The following SLC20A2 variants were observed in gnomAD, a reference collection of about 807,000 sequenced individuals.
SLC20A2 encodes sodium-dependent phosphate transporter 2.
SLC20A2 carries 30 observed loss-of-function variants against 61.0 expected under a neutral mutation model. The ratio of observed to expected loss-of-function variants is 0.49; its 90% CI spans 0.37 to 0.67. The LOEUF is 0.67. SLC20A2 is among the 30% of genes least tolerant of loss of function. The pLI is 0.00. For missense variants in SLC20A2, 626 were observed against 866.4 expected (o/e 0.72, Z 3.48); for synonymous variants, 351 against 353.3 (o/e 0.99, Z 0.07).
chr8:42,504,844 C>T (rs1306887226), upstream of SLC20A2, among the ~76,000 whole-genome samples: 1 of 62,278 alleles, frequency 1.6e-5, no homozygotes, highest in Admixed American at 2.2e-4. Context: ...CAAAGCAAGA[C>T]TCCGTCTCAA....
chr8:42,477,718 G>T (rs544996860), intron 1 of SLC20A2, among the ~76,000 whole-genome samples: 4 of 151,686 alleles, frequency 2.6e-5, no homozygotes, highest in Non-Finnish European at 5.9e-5. Context: ...TGAACTGCCC[G>T]CCTTGGCCTC....
chr8:42,419,372 C>G (rs1365986196), intron 10 of SLC20A2, among the ~76,000 whole-genome samples: 1 of 151,812 alleles, frequency 6.6e-6, no homozygotes, highest in African/African-American at 2.4e-5. Flanking sequence ...GAGTTCGAGA[C>G]CAGCCTGACC....
intron 1 of SLC20A2, chr8:42,541,547 C>G (rs1324228878): frequency 2.0e-5 from 3 of 148,242 alleles, no homozygotes; most frequent in South Asian, 4.2e-4. Flanking sequence ...CCTGGCTCCT[C>G]GTTTCATCCG....
At chr8:42,453,941 C>T (rs1805934556) in intron 5 of SLC20A2, among the ~76,000 whole-genome samples, 1 of 152,166 alleles carries the variant, frequency 6.6e-6, no homozygotes, top group Non-Finnish European at 1.5e-5. Flanking sequence ...CTTCTCCGTC[C>T]ATGGTTCAGC....
chr8:42,461,439 T>C (rs1307241507), intron 4 of SLC20A2, among the ~76,000 whole-genome samples: 1 of 151,750 alleles, frequency 6.6e-6, no homozygotes, highest in Non-Finnish European at 1.5e-5. Flanking sequence ...AATTACCGTA[T>C]GTTTTTTCAA....
intron 1 of SLC20A2, chr8:42,541,453 C>T (rs1813148300): frequency 6.9e-6 from 1 of 145,930 alleles, no homozygotes; most frequent in Non-Finnish European, 1.5e-5. Context: ...TCCACTCACG[C>T]GCCCGGGGGC....
Position 42,430,201 on chromosome 8 carries a change from G to T in SLC20A2, c.1572C>A (p.Gly524=). Residue 524 remains glycine, a synonymous_variant, in exon 9 of 11, where the codon GGC becomes GGA. Coordinates refer to ENST00000520262, the MANE Select transcript of SLC20A2 (RefSeq NM_001257180.2). ...GTGTAGCTGCTTCTTGCGTTACCCC[G>T]CCTTGTTTGTAAATCAGCCACAAGG... ...LVALWLIYKQ[G]GVTQEAATPV... is the part of the protein sequence containing the mutation. The T allele has an allele frequency of 6.2e-7, 1 of 1,613,754 alleles. No individual in the cohort carries two copies.
chr8:42,501,419 G>A (rs1231696722), upstream of SLC20A2: 1 of 152,230 alleles, frequency 6.6e-6, no homozygotes, highest in African/African-American at 2.4e-5. Context: ...AAGAGAAGGA[G>A]TAAGCTTTTT....
At chr8:42,468,705 C>T (rs536019378) in intron 2 of SLC20A2, among the ~76,000 whole-genome samples, 4 of 149,304 alleles carry the variant, frequency 2.7e-5, no homozygotes, top group Admixed American at 1.3e-4. Context: ...ATGAAAGAAA[C>T]GGCAGAGCAA....
Position 42,439,532 on chromosome 8 carries a change from G to A in SLC20A2, c.852C>T (p.Thr284=). 6.2e-7 allele frequency: 1 copy of A among 1,614,178 alleles called. No individual in the cohort carries two copies. Among genetic ancestry groups the A allele is most frequent in the Non-Finnish European group, 8.5e-7 (1 of 1,180,034 alleles). ...CCCCTGCTGCTCCCGTGAGCGGGATGGTGCTGTCATCATTAGCCTTGGCAC... is the reference window on the plus strand; with the variant it reads ...CCCCTGCTGCTCCCGTGAGCGGGATAGTGCTGTCATCATTAGCCTTGGCAC... ...LPGAKANDDS[T]IPLTGAAGET... is the part of the protein sequence containing the mutation. Residue 284 remains threonine (T), a synonymous_variant, in exon 7 of 11, where the codon ACC becomes ACT. Coordinates refer to ENST00000520262, the MANE Select transcript of SLC20A2 (RefSeq NM_001257180.2).
At chr8:42,436,750 G>A (rs756641488) in intron 8 of SLC20A2, among the ~76,000 whole-genome samples, 1 of 152,206 alleles carries the variant, frequency 6.6e-6, no homozygotes, top group Non-Finnish European at 1.5e-5. Flanking sequence ...TGGAAGCCCA[G>A]GTCGCACTGC....
At chr8:42,464,090 A>ATTTTTTTTTTTTTTTTTTTTTTTTTT (rs1563488008) in intron 3 of SLC20A2, among the ~76,000 whole-genome samples, 1 of 19,996 alleles carries the variant, frequency 5.0e-5, no homozygotes, top group Non-Finnish European at 1.3e-4. Flanking sequence ...AGGCTGGATG[A>ATTTTTTTTTTTTTTTTTTTTTTTTTT]TCTTTTTTTT....
At chr8:42,465,957 C>CA in intron 2 of SLC20A2, 40 bp from the exon 3 acceptor site, 1 of 1,549,958 alleles carries the variant, frequency 6.5e-7, no homozygotes, top group Non-Finnish European at 8.7e-7. Flanking sequence ...ATACAGAGTA[C>CA]AGAGGTGCAG....
chr8:42,452,037 AAG>A (rs557977073), intron 5 of SLC20A2, among the ~76,000 whole-genome samples: 1 of 96,556 alleles, frequency 1.0e-5, no homozygotes, highest in Non-Finnish European at 1.8e-5. Flanking sequence ...GAAGAGGAGG[AAG>A]AGAGGGGGAG....
intron 3 of SLC20A2, among the ~76,000 whole-genome samples, chr8:42,464,275 TTTTC>T (rs1007332827): frequency 1.4e-5 from 2 of 145,820 alleles, no homozygotes; most frequent in African/African-American, 5.3e-5. Context: ...ACCAGGCTAA[TTTTC>T]TTTCTTTTTT....
At chr8:42,441,301 C>T (rs1245037482) in intron 6 of SLC20A2, among the ~76,000 whole-genome samples, 1 of 148,816 alleles carries the variant, frequency 6.7e-6, no homozygotes, top group Non-Finnish European at 1.5e-5. Flanking sequence ...ATTAGAGGCA[C>T]CCACCACCAT....
At chr8:42,451,578 A>C in intron 5 of SLC20A2, among the ~76,000 whole-genome samples, 1 of 135,098 alleles carries the variant, frequency 7.4e-6, no homozygotes, top group South Asian at 2.8e-4. Context: ...AGAGATGAAG[A>C]GGAAGAGGAA....
rs1369660800 is a variant in SLC20A2 at position 42,459,954 on chromosome 8, T to C, written c.555A>G (p.Val185=). ...TGATTGCTATGGTAGCAGCATAGAATACTGGGAGTGCCCGGAGGCCATTGG... is the reference window on the plus strand; with the variant it reads ...TGATTGCTATGGTAGCAGCATAGAACACTGGGAGTGCCCGGAGGCCATTGG... The part of the protein sequence containing the change: ...PVPNGLRALP[V]FYAATIAINV... Residue 185 remains valine, a synonymous_variant, in exon 5 of 11, where the codon GTA becomes GTG. Transcript: ENST00000520262. 3.7e-6 allele frequency: 6 copies of C among 1,613,202 alleles called. No homozygotes were observed. Among genetic ancestry groups the C allele is most frequent in the Non-Finnish European group, 3.4e-6 (4 of 1,179,586 alleles).
rs533614497 is a variant in SLC20A2 at position 42,517,317 on chromosome 8, G to A, written c.-265+24504C>T. 1.2e-3 allele frequency among the ~76,000 whole-genome samples: 179 copies of A among 150,686 alleles called. 1 individual carries two copies. The highest frequency in any genetic ancestry group is 1.9e-3 in the Non-Finnish European group (131 of 67,790). On this transcript the variant is annotated intron_variant, in intron 1 of 10. Coordinates refer to the SLC20A2 transcript ENST00000342228. ...TGGGAAGTTGAGGCCGCAGTGGGCCGTGTTCGTGCCACTGCACTCCAGCCT... is the reference window on the plus strand; with the variant it reads ...TGGGAAGTTGAGGCCGCAGTGGGCCATGTTCGTGCCACTGCACTCCAGCCT...
Sources: gnomAD v4.1 joint callset for allele counts (sites outside exome capture counted in the v4.1 genomes callset) on GRCh38, gnomAD v4.1.1 for gene constraint, MANE v1.5 for transcripts, NCBI Gene and HGNC (gene_info 2026-07-23, HGNC 2026-07-21) for gene names.